KLF8: variants seen among roughly 807,000 people sequenced by gnomAD.
KLF8 encodes the protein KLF transcription factor 8.
In KLF8, 10 loss-of-function variants were observed where a neutral mutation model predicts 18.2. The observed-to-expected ratio is 0.55, with a 90% confidence interval of 0.34 to 0.93. KLF8 has a LOEUF of 0.93. Among genes scored for constraint, KLF8 ranks in the 40% least tolerant of loss-of-function variants. KLF8 has a pLI of 0.02. For synonymous variants in KLF8, 109 were observed against 97.3 expected, an observed-to-expected ratio of 1.12 and a Z score of -0.71; for missense variants, 264 against 277.9, an observed-to-expected ratio of 0.95 and a Z score of 0.36.
the KLF8 span, among the ~76,000 whole-genome samples, chrX:55,947,515 A>T: frequency 9.4e-6 from 1 of 106,838 alleles, no homozygotes; most frequent in Non-Finnish European, 1.9e-5. Flanking sequence ...GAGGGATAGC[A>T]TTAGGAGATA....
At chrX:55,938,823 A>T in the KLF8 span, among the ~76,000 whole-genome samples, 1 of 111,904 alleles carries the variant, frequency 8.9e-6, no homozygotes, top group African/African-American at 3.3e-5. Flanking sequence ...AAGAAGACCT[A>T]ACTATCCGAA....
chrX:56,144,781 G>C, the KLF8 span, among the ~76,000 whole-genome samples: 1 of 52,388 alleles, frequency 1.9e-5, no homozygotes, highest in Non-Finnish European at 3.8e-5. Flanking sequence ...GAAAAGAAAA[G>C]AAGTTGGTGT....
At chrX:56,007,997 A>G in the KLF8 span, among the ~76,000 whole-genome samples, 1 of 110,495 alleles carries the variant, frequency 9.1e-6, no homozygotes, top group Non-Finnish European at 1.9e-5. Flanking sequence ...CAATAGGAAG[A>G]TATTTCAGTG....
upstream of KLF8, among the ~76,000 whole-genome samples, chrX:56,227,696 A>G (rs1030051422): frequency 3.6e-5 from 4 of 111,472 alleles, no homozygotes; most frequent in African/African-American, 1.3e-4. Flanking sequence ...TCAGGAATAT[A>G]CACTTTGGGG....
intron 2 of KLF8, among the ~76,000 whole-genome samples, chrX:56,251,707 C>T (rs941750907): frequency 9.0e-6 from 1 of 110,698 alleles, no homozygotes; most frequent in Non-Finnish European, 1.9e-5. Flanking sequence ...ATGATCCGCC[C>T]ACCTCGGCCT....
the KLF8 span, among the ~76,000 whole-genome samples, chrX:56,111,067 T>C: frequency 8.9e-6 from 1 of 112,106 alleles, no homozygotes; most frequent in South Asian, 3.7e-4. Context: ...TCTTAATCTC[T>C]GCTTATTCTT....
the KLF8 span, among the ~76,000 whole-genome samples, chrX:56,094,616 A>G: frequency 1.8e-5 from 2 of 111,469 alleles, no homozygotes; most frequent in Non-Finnish European, 3.8e-5. Flanking sequence ...AACGTATCTA[A>G]TTGATATCTA....
the KLF8 span, among the ~76,000 whole-genome samples, chrX:56,135,063 G>A: frequency 9.0e-6 from 1 of 111,539 alleles, no homozygotes; most frequent in Non-Finnish European, 1.9e-5. Flanking sequence ...AGGTGCTGGA[G>A]AGGATGTGGA....
chrX:56,131,354 A>C, the KLF8 span, among the ~76,000 whole-genome samples: 2 of 111,688 alleles, frequency 1.8e-5, no homozygotes, highest in African/African-American at 3.2e-5. Context: ...TAAACAAAAC[A>C]ATTATCACCC....
chrX:56,147,945 T>A, the KLF8 span, among the ~76,000 whole-genome samples: 4 of 112,425 alleles, frequency 3.6e-5, no homozygotes, highest in Middle Eastern at 4.6e-3. Flanking sequence ...GCCACTGCAC[T>A]CCAGCCTGGG....
the KLF8 span, among the ~76,000 whole-genome samples, chrX:56,059,816 G>T: frequency 9.0e-6 from 1 of 111,519 alleles, no homozygotes. Context: ...TTTTTGCTTA[G>T]GATTGTCTTG....
At chrX:56,203,674 G>T in the KLF8 span, among the ~76,000 whole-genome samples, 1 of 111,900 alleles carries the variant, frequency 8.9e-6, no homozygotes, top group Non-Finnish European at 1.9e-5. Context: ...ACCATTTATT[G>T]AAGAGATGGT....
chrX:56,183,353 C>T, the KLF8 span, among the ~76,000 whole-genome samples: 3 of 112,070 alleles, frequency 2.7e-5, no homozygotes, highest in Admixed American at 1.9e-4. Flanking sequence ...TCCTGATTTT[C>T]CAGATACTGT....
At chrX:55,924,115 G>A in the KLF8 span, among the ~76,000 whole-genome samples, 1 of 111,570 alleles carries the variant, frequency 9.0e-6, no homozygotes, top group African/African-American at 3.3e-5. Context: ...TGTCGCCCAG[G>A]CTGGAGTGCA....
chrX:55,984,929 A>G, the KLF8 span, among the ~76,000 whole-genome samples: 1 of 108,448 alleles, frequency 9.2e-6, no homozygotes, highest in African/African-American at 3.3e-5. Context: ...TTCTTTTGAG[A>G]AGTGTCTGTT....
the KLF8 span, among the ~76,000 whole-genome samples, chrX:55,935,891 A>T: frequency 1.8e-5 from 2 of 112,089 alleles, no homozygotes; most frequent in Admixed American, 9.5e-5. Context: ...TCACGATAGT[A>T]GTTACTTCTA....
the KLF8 span, among the ~76,000 whole-genome samples, chrX:55,991,495 A>T: frequency 9.0e-6 from 1 of 111,341 alleles, no homozygotes; most frequent in Non-Finnish European, 1.9e-5. Flanking sequence ...CACTCGGTGC[A>T]CTGCAACCAC....
the KLF8 span, among the ~76,000 whole-genome samples, chrX:56,053,626 C>A: frequency 4.2e-5 from 4 of 96,348 alleles, no homozygotes. Flanking sequence ...GTTGTGAATT[C>A]TTCTGGTCTT....
At chrX:56,106,647 T>A in the KLF8 span, among the ~76,000 whole-genome samples, 49 of 111,934 alleles carry the variant, frequency 4.4e-4, no homozygotes, top group Middle Eastern at 4.7e-3. Context: ...TTCCTTGCAA[T>A]GGGTTAGAAC....
Sources: allele counts gnomAD v4.1 joint callset (sites outside exome capture counted in the v4.1 genomes callset), GRCh38; gene constraint gnomAD v4.1.1; transcripts MANE v1.5; gene names NCBI Gene and HGNC (gene_info 2026-07-23, HGNC 2026-07-21).